CACNA1C: variants seen among roughly 807,000 people sequenced by gnomAD.
CACNA1C encodes voltage-dependent L-type calcium channel subunit alpha-1C.
In CACNA1C, 30 loss-of-function variants were observed where a neutral mutation model predicts 229.0. The observed-to-expected ratio is 0.13, with a 90% confidence interval of 0.10 to 0.18. The LOEUF (loss-of-function observed/expected upper bound fraction) is 0.18, where lower values mean the gene tolerates loss of function less well. Among genes scored for constraint, CACNA1C ranks in the 10% least tolerant of loss-of-function variants. The pLI, the probability that CACNA1C is intolerant of heterozygous loss-of-function variation, is 1.00. For synonymous variants in CACNA1C, 1,114 were observed against 1,132.5 expected, an observed-to-expected ratio of 0.98 and a Z score of 0.33; for missense variants, 1,658 against 2,845.0, an observed-to-expected ratio of 0.58 and a Z score of 9.49.
chr12:2,619,657 A>G (rs897296351), intron 29 of CACNA1C, among the ~76,000 whole-genome samples: 1 of 150,850 alleles, frequency 6.6e-6, no homozygotes, highest in Non-Finnish European at 1.5e-5. Flanking sequence ...CCTTCAGCTC[A>G]GTTTTTCACC....
chr12:2,665,728 T>G lies in CACNA1C; in HGVS notation c.4526+20T>G. 1 of 1,607,614 alleles carries G rather than the reference T, an allele frequency of 6.2e-7. No homozygotes were observed. The highest frequency in any genetic ancestry group is 1.1e-5 in the South Asian group (1 of 90,238). On this transcript the variant is annotated intron_variant, in intron 36 of 46. Coordinates refer to ENST00000399655, the MANE Select transcript of CACNA1C (RefSeq NM_000719.7). This position sits in a 1 kb window ranked among gnomAD's most constrained non-coding sequence, Gnocchi z 5.9. ...AGCCAAGTAAGTTCCCAGAGGGAAA[T>G]CCTGATTCCCCAAGCTGAGAGAGGG...
At position 2,403,953 on chromosome 12, in the gene CACNA1C, C is replaced by G. The variant is rs1308948926; in HGVS notation, c.478-45023C>G. 6.6e-6 allele frequency among the ~76,000 whole-genome samples: 1 copy of G among 152,178 alleles called. No homozygotes were observed. Among genetic ancestry groups the G allele is most frequent in the Non-Finnish European group, 1.5e-5 (1 of 68,032 alleles). On this transcript the variant is annotated intron_variant, in intron 3 of 46. Transcript: ENST00000399655. The surrounding 1 kb of genome is among the most constrained non-coding windows in gnomAD (Gnocchi z 4.1). ...ACCCTTGAAAGTGTGTACAGAAATC[C>G]TCTAGTCAGAATGTCCTTGCTGTGT...
chr12:2,322,673 C>T (rs981916400), intron 3 of CACNA1C, among the ~76,000 whole-genome samples: 1 of 152,232 alleles, frequency 6.6e-6, no homozygotes, highest in Non-Finnish European at 1.5e-5. Context: ...CTTCTGCTCA[C>T]CCCAAATGCT....
chr12:2,037,786 T>C (rs1249517824), intron 1 of CACNA1C, among the ~76,000 whole-genome samples: 1 of 152,230 alleles, frequency 6.6e-6, no homozygotes, highest in African/African-American at 2.4e-5. Flanking sequence ...CAGCCTCACC[T>C]GGAAGCTTAT....
chr12:2,114,998 G>C (rs1488029135), intron 1 of CACNA1C, among the ~76,000 whole-genome samples: 2 of 152,218 alleles, frequency 1.3e-5, no homozygotes, highest in Non-Finnish European at 2.9e-5. Context: ...AAGGAGACTA[G>C]AGCGGAGTGA....
chr12:2,019,582 A>C (rs1210935391), intron 1 of CACNA1C, among the ~76,000 whole-genome samples: 3 of 143,842 alleles, frequency 2.1e-5, no homozygotes, highest in Non-Finnish European at 4.6e-5. Flanking sequence ...AAAGAAAGAG[A>C]GAGAGAAAGA....
At position 2,270,608 on chromosome 12, in the gene CACNA1C, C is replaced by T. The variant is rs557071435; in HGVS notation, c.477+150178C>T. ...AACCCTCTACGGTATAGAGAGCCCA[C>T]GGCCATGCCACCCAGCCAGACAGGA... On this transcript the variant is annotated intron_variant, in intron 3 of 46. Transcript: ENST00000399655. Among the ~76,000 whole-genome samples, 5 of 152,286 alleles carry T rather than the reference C, an allele frequency of 3.3e-5. No individual in the cohort carries two copies. The South Asian group carries it at 6.2e-4, about 19-fold the overall frequency.
intron 1 of CACNA1C, among the ~76,000 whole-genome samples, chr12:2,027,355 C>T (rs2047507495): frequency 6.6e-6 from 1 of 152,216 alleles, no homozygotes; most frequent in Non-Finnish European, 1.5e-5. Flanking sequence ...CCATCTCTCT[C>T]CTTCTGTCTT....
exon 1 of CACNA1C, chr12:1,970,957 T>TA (rs2032028489): frequency 3.6e-6 from 2 of 554,420 alleles, no homozygotes; most frequent in African/African-American, 4.0e-5. Flanking sequence ...ACTGAAATGT[T>TA]ACTGCAGGAA....
At chr12:2,082,887 C>A (rs778593816) in intron 1 of CACNA1C, among the ~76,000 whole-genome samples, 2 of 152,172 alleles carry the variant, frequency 1.3e-5, no homozygotes, top group Admixed American at 6.5e-5. Flanking sequence ...TAGATATGCA[C>A]ACACATATGT....
rs767270982 is a variant in CACNA1C, at chr12:2,449,062, T to C, written c.564T>C (p.Asn188=). The change falls in exon 4 of 47, where the codon AAT becomes AAC. Residue 188 remains asparagine, a synonymous_variant. Transcript: ENST00000399655. Reference sequence around the variant, plus strand: ...CCTATGGACTCCTCTTTCACCCCAATGCCTACCTCCGCAACGGCTGGAACC... The same window carrying C: ...CCTATGGACTCCTCTTTCACCCCAACGCCTACCTCCGCAACGGCTGGAACC... The part of the protein sequence containing the change: ...VIAYGLLFHP[N]AYLRNGWNLL... The C allele has an allele frequency of 1.3e-6, 2 of 1,594,338 alleles. No homozygotes were observed. The highest frequency in any genetic ancestry group is 1.8e-5 in the Admixed American group (1 of 56,724).
At position 2,353,243 on chromosome 12, in the gene CACNA1C, C is replaced by T. The variant is rs151066789; in HGVS notation, c.478-95733C>T. ...GGTAGAATTTCCACAGGGAGAGATG[C>T]TGGCCTATGCAGAAGTTCTCACCCA... On this transcript the variant is annotated intron_variant, in intron 3 of 46. Coordinates refer to ENST00000399655, the MANE Select transcript of CACNA1C (RefSeq NM_000719.7). 4.6e-3 allele frequency among the ~76,000 whole-genome samples: 702 copies of T among 152,234 alleles called. 2 individuals carry two copies. Among genetic ancestry groups the T allele is most frequent in the Non-Finnish European group, 8.0e-3 (546 of 67,988 alleles).
At chr12:2,329,992 A>C (rs1440613679) in intron 3 of CACNA1C, among the ~76,000 whole-genome samples, 1 of 152,226 alleles carries the variant, frequency 6.6e-6, no homozygotes, top group African/African-American at 2.4e-5. Context: ...TTGTTTGAAA[A>C]TACATATCTT....
rs563519562 is a variant in CACNA1C at position 2,353,929 on chromosome 12, T to C, written c.478-95047T>C. ...TGCTGCACTGTCCTGCCATCAGCAG[T>C]GGGCCTTCTGTGTGTGGCAGGATGA... On this transcript the variant is annotated intron_variant, in intron 3 of 46. Coordinates refer to ENST00000399655, the MANE Select transcript of CACNA1C (RefSeq NM_000719.7). Among the ~76,000 whole-genome samples, 40 of 152,258 alleles carry C rather than the reference T, an allele frequency of 2.6e-4. No homozygotes were observed. In the South Asian group the frequency reaches 3.9e-3, roughly 15 times the overall value.
chr12:2,649,238 T>A lies in CACNA1C; in HGVS notation c.3945+731T>A, dbSNP rs2094665775. On this transcript the variant is annotated intron_variant, in intron 31 of 46. Coordinates refer to ENST00000399655, the MANE Select transcript of CACNA1C (RefSeq NM_000719.7). This position sits in a 1 kb window ranked among gnomAD's most constrained non-coding sequence, Gnocchi z 4.4. The stretch of plus-strand genomic sequence containing the variant: ...GGTTGAAGTGATAAAAGAGACGCCA[T>A]TCAGTGTGACCTTGAAGCCTCCTTG... Among the ~76,000 whole-genome samples, 1 of 152,232 alleles carries A rather than the reference T, an allele frequency of 6.6e-6. No individual in the cohort carries two copies. Among genetic ancestry groups the A allele is most frequent in the South Asian group, 2.1e-4 (1 of 4,834 alleles).
chr12:2,610,402 C>G (rs1463665251), intron 27 of CACNA1C, 139 bp from the exon 28 acceptor site: 1 of 776,466 alleles, frequency 1.3e-6, no homozygotes. Context: ...TGAGCCGGAG[C>G]GGCCAATGAT....
At chr12:2,603,375 C>G (rs1430243838) in intron 22 of CACNA1C, 1 of 152,206 alleles carries the variant, frequency 6.6e-6, no homozygotes, top group African/African-American at 2.4e-5. Context: ...ATCTTTCCAC[C>G]AGCCCCTTGA....
At chr12:2,670,187 T>A (rs1034973704) in intron 38 of CACNA1C, among the ~76,000 whole-genome samples, 1 of 152,112 alleles carries the variant, frequency 6.6e-6, no homozygotes, top group Non-Finnish European at 1.5e-5. Context: ...ACTGGTGTAG[T>A]AATTACAGAA....
At chr12:2,229,883 G>A (rs1259405756) in intron 3 of CACNA1C, among the ~76,000 whole-genome samples, 1 of 152,180 alleles carries the variant, frequency 6.6e-6, no homozygotes. Context: ...GCTTTTGCCC[G>A]GAAGGAGGCC....
Sources: gnomAD v4.1 joint callset for allele counts (sites outside exome capture counted in the v4.1 genomes callset) on GRCh38, gnomAD v4.1.1 for gene constraint, Gnocchi (gnomAD v3.1) non-coding constraint, MANE v1.5 for transcripts, NCBI Gene and HGNC (gene_info 2026-07-23, HGNC 2026-07-21) for gene names.